The following TMEM132B variants were observed in gnomAD, a reference collection of about 807,000 sequenced individuals.
The protein encoded by TMEM132B is transmembrane protein 132B.
TMEM132B carries 18 observed loss-of-function variants against 90.8 expected under a neutral mutation model. That is an observed-to-expected ratio of 0.20 (90% CI 0.14 to 0.29). The LOEUF (loss-of-function observed/expected upper bound fraction) is 0.29, where lower values mean the gene tolerates loss of function less well. Among genes scored for constraint, TMEM132B ranks in the 10% least tolerant of loss-of-function variants. The pLI is 1.00. For synonymous variants in TMEM132B, 504 were observed against 523.3 expected (o/e 0.96, Z 0.50); for missense variants, 1,096 against 1,326.8 (o/e 0.83, Z 2.70).
chr12:125,331,228 T>C (rs2136204494), intron 1 of TMEM132B, among the ~76,000 whole-genome samples: 1 of 152,322 alleles, frequency 6.6e-6, no homozygotes, highest in South Asian at 2.1e-4. Flanking sequence ...CTCCTCCGCG[T>C]TGCTGCCCCA....
intron 1 of TMEM132B, among the ~76,000 whole-genome samples, chr12:125,339,771 C>T (rs11058145): frequency 0.069 from 10,513 of 152,190 alleles, 610 homozygotes; most frequent in Admixed American, 0.21. Context: ...GAGCTAGCTA[C>T]AGCGTGGGAT....
chr12:125,306,975 A>G (rs1000920886), intron 1 of TMEM132B, among the ~76,000 whole-genome samples: 3 of 152,232 alleles, frequency 2.0e-5, no homozygotes, highest in African/African-American at 7.2e-5. Flanking sequence ...CTCCTGCCAC[A>G]GGGACTTTGC....
intron 2 of TMEM132B, among the ~76,000 whole-genome samples, chr12:125,365,375 TA>T (rs1878096302): frequency 6.6e-6 from 1 of 152,072 alleles, no homozygotes; most frequent in African/African-American, 2.4e-5. Flanking sequence ...AGATATATGT[TA>T]AAAACCCTCG....
chr12:125,187,044 G>T lies in TMEM132B; in HGVS notation c.67+178G>T, dbSNP rs117385639. Among the ~76,000 whole-genome samples, 838 of 152,272 alleles carry T rather than the reference G, an allele frequency of 5.5e-3. 7 individuals are homozygous for T. The highest frequency in any genetic ancestry group is 0.029 in the East Asian group (151 of 5,160). On this transcript the variant is annotated intron_variant, in intron 1 of 8. Transcript: ENST00000682704. ...CGTTCCCCTTTGCCTAGCGCCTGGG[G>T]AGAGCCCGCCTGCCTTCTCCCCCAA...
chr12:125,234,375 T>C (rs1355804194), intron 1 of TMEM132B, among the ~76,000 whole-genome samples: 1 of 152,164 alleles, frequency 6.6e-6, no homozygotes, highest in Admixed American at 6.5e-5. Flanking sequence ...GACTCAGCCC[T>C]GTGAACTAGA....
chr12:125,195,394 G>GT (rs36005995), intron 1 of TMEM132B, among the ~76,000 whole-genome samples: 18,340 of 89,872 alleles, frequency 0.2, 2,955 homozygotes, highest in East Asian at 0.43. Flanking sequence ...GGGTTTGCGG[G>GT]TTTTTTTTTT....
chr12:125,229,374 T>G (rs1247106347), intron 1 of TMEM132B, among the ~76,000 whole-genome samples: 2 of 152,236 alleles, frequency 1.3e-5, no homozygotes, highest in Non-Finnish European at 2.9e-5. Flanking sequence ...GTCAGTGCGG[T>G]GAGTCCTGGC....
In TMEM132B at chr12:125,329,971, G is replaced by A. The variant is rs902009753; in HGVS notation, c.68-19481G>A. Among the ~76,000 whole-genome samples the A allele has an allele frequency of 3.9e-5, 6 of 152,354 alleles. No homozygotes were observed. The South Asian group carries it at 1.2e-3, about 32-fold the overall frequency. The stretch of plus-strand genomic sequence containing the variant: ...TCAGGGTGACGGAAGTGGACAAAGG[G>A]AAGGGGAGAGAGGGTTTCAATGCAG... On this transcript the variant is annotated intron_variant, in intron 1 of 8. Coordinates refer to ENST00000682704, the MANE Select transcript of TMEM132B (RefSeq NM_001366854.1).
rs556996316 is a variant in TMEM132B at position 125,325,014 on chromosome 12, C to T, written c.68-24438C>T. Among the ~76,000 whole-genome samples, 21 of 152,232 alleles carry T rather than the reference C, an allele frequency of 1.4e-4. No homozygotes were observed. In the South Asian group the frequency reaches 3.7e-3, roughly 27 times the overall value. Reference sequence around the variant, plus strand: ...GTAGACAGTGGTTACCTGCCTGCAACGCAAAACAGAGAGCTCTTCTGGCAT... The same window carrying T: ...GTAGACAGTGGTTACCTGCCTGCAATGCAAAACAGAGAGCTCTTCTGGCAT... On this transcript the variant is annotated intron_variant, in intron 1 of 8. Coordinates refer to ENST00000682704, the MANE Select transcript of TMEM132B (RefSeq NM_001366854.1).
chr12:125,237,202 A>C (rs1023206665), intron 1 of TMEM132B, among the ~76,000 whole-genome samples: 1 of 152,148 alleles, frequency 6.6e-6, no homozygotes, highest in African/African-American at 2.4e-5. Flanking sequence ...TGTTCCAGGT[A>C]GGAGGTTGTT....
chr12:125,473,920 A>G (rs1005504836), intron 3 of TMEM132B, among the ~76,000 whole-genome samples: 1 of 151,886 alleles, frequency 6.6e-6, no homozygotes. Context: ...TGTTAGCTTC[A>G]AGAAATAGAG....
intron 1 of TMEM132B, among the ~76,000 whole-genome samples, chr12:125,270,782 G>A (rs555443077): frequency 6.6e-6 from 1 of 151,762 alleles, no homozygotes; most frequent in East Asian, 1.9e-4. Flanking sequence ...GACTCTGTGG[G>A]GGTTGGGGGG....
At chr12:125,199,960 T>C (rs1378288229) in intron 1 of TMEM132B, among the ~76,000 whole-genome samples, 3 of 152,182 alleles carry the variant, frequency 2.0e-5, no homozygotes, top group Non-Finnish European at 4.4e-5. Context: ...ATTCAGTCTT[T>C]ATCTTAGGTT....
At chr12:125,511,561 G>A (rs1414800177) in intron 3 of TMEM132B, among the ~76,000 whole-genome samples, 1 of 151,570 alleles carries the variant, frequency 6.6e-6, no homozygotes, top group African/African-American at 2.4e-5. Context: ...GCTTGAAAAA[G>A]CATCCCAGGC....
rs749628453 is a variant in TMEM132B, at chr12:125,515,344, ACACT to A, written c.1107-4091_1107-4088del. ...TCTTACAGAAACAACACATTCTGTC[ACACT>A]CACACACACATTGACACATTCACTC... On this transcript the variant is annotated intron_variant, in intron 3 of 8. Transcript: ENST00000682704. 5.5e-4 allele frequency among the ~76,000 whole-genome samples: 84 copies of A among 151,970 alleles called. 1 individual carries two copies. The highest frequency in any genetic ancestry group is 1.0e-3 in the Non-Finnish European group (70 of 67,980).
chr12:125,449,256 C>T (rs184478804), intron 3 of TMEM132B, among the ~76,000 whole-genome samples: 37 of 152,262 alleles, frequency 2.4e-4, no homozygotes, highest in Middle Eastern at 3.4e-3. Context: ...CGTGAGCCAC[C>T]GCGCCTGGCC....
intron 2 of TMEM132B, among the ~76,000 whole-genome samples, chr12:125,386,951 G>A (rs949033287): frequency 2.0e-5 from 3 of 152,100 alleles, no homozygotes; most frequent in African/African-American, 7.2e-5. Flanking sequence ...TATTCCTCTG[G>A]GTGTGTGGTA....
At chr12:125,503,515 C>T (rs1406022515) in intron 3 of TMEM132B, among the ~76,000 whole-genome samples, 5 of 152,200 alleles carry the variant, frequency 3.3e-5, no homozygotes, top group African/African-American at 1.2e-4. Context: ...TGAGAACATA[C>T]ACCAGTGGAC....
intron 2 of TMEM132B, among the ~76,000 whole-genome samples, chr12:125,405,701 G>T (rs901406048): frequency 6.6e-6 from 1 of 152,186 alleles, no homozygotes; most frequent in African/African-American, 2.4e-5. Context: ...TTCCTTAATT[G>T]TTTGGTGCCA....
Sources: gnomAD v4.1 joint callset for allele counts (sites outside exome capture counted in the v4.1 genomes callset) on GRCh38, gnomAD v4.1.1 for gene constraint, MANE v1.5 for transcripts, NCBI Gene and HGNC (gene_info 2026-07-23, HGNC 2026-07-21) for gene names.